The following WDR27 variants were observed in gnomAD, a reference collection of about 807,000 sequenced individuals.
WDR27 encodes the protein WD repeat-containing protein 27.
Under a neutral mutation model 114.4 loss-of-function variants are expected in WDR27, and 100 were observed. The observed-to-expected ratio is 0.87, with a 90% CI of 0.74 to 1.03. The LOEUF is 1.03. Among genes scored for constraint, WDR27 ranks in the 50% least tolerant of loss-of-function variants. The probability of loss-of-function intolerance (pLI) is 0.00; values close to 1 mark genes in which losing one functional copy is unlikely to be tolerated. For missense variants in WDR27, 1,129 were observed against 1,092.9 expected (o/e 1.03, Z -0.47); for synonymous variants, 449 against 423.1 (o/e 1.06, Z -0.75).
intron 4 of WDR27, 65 bp downstream of exon 4, chr6:169,670,504 C>T: frequency 6.2e-7 from 1 of 1,604,360 alleles, no homozygotes; most frequent in Non-Finnish European, 8.5e-7. Context: ...TGGGCAAGGT[C>T]CCAGAACCTG....
chr6:169,665,483 C>A lies in WDR27; in HGVS notation c.783+3G>T. On this transcript the variant is annotated splice_donor_region_variant and intron_variant, in intron 7 of 25. Transcript: ENST00000448612. ...CTGGAACTTAACTCTGTGGCTGTCT[C>A]ACCTGGCCGTCAGCACACCCGGTGA... 6.2e-7 allele frequency: 1 copy of A among 1,613,052 alleles called. No individual in the cohort carries two copies. The highest frequency in any genetic ancestry group is 8.5e-7 in the Non-Finnish European group (1 of 1,179,388).
At position 169,582,838 on chromosome 6, in the gene WDR27, G is replaced by T. The variant is rs780259952; in HGVS notation, c.2521C>A (p.Gln841Lys). 27 of 1,613,362 alleles carry T rather than the reference G, an allele frequency of 1.7e-5. No homozygotes were observed. The highest frequency in any genetic ancestry group is 2.2e-5 in the Non-Finnish European group (26 of 1,179,638). ...TGVAFNPSAPQMESRSVAHAG... is the reference protein window; with the variant it reads ...TGVAFNPSAPKMESRSVAHAG... Reference sequence around the variant, plus strand: ...CCACCCACTCAGCAAGACTGTACCTGGGGCGCTGATGGGTTGAAGGCCACT... The same window carrying T: ...CCACCCACTCAGCAAGACTGTACCTTGGGCGCTGATGGGTTGAAGGCCACT... Residue 841 changes from glutamine to lysine, a missense_variant and splice_region_variant, in exon 24 of 26, where the codon CAG becomes AAG. Physicochemically the swap from Gln to Lys is moderately conservative, Grantham distance 53. Coordinates refer to ENST00000448612, the MANE Select transcript of WDR27 (RefSeq NM_182552.5).
At chr6:169,663,068 C>T (rs4716338) in intron 8 of WDR27, among the ~76,000 whole-genome samples, 10,305 of 151,050 alleles carry the variant, frequency 0.068, 625 homozygotes, top group East Asian at 0.19. Flanking sequence ...CATGGAGTCA[C>T]TCAGATCACG....
intron 23 of WDR27, among the ~76,000 whole-genome samples, chr6:169,585,007 A>T (rs1286952829): frequency 6.6e-6 from 1 of 152,252 alleles, no homozygotes; most frequent in African/African-American, 2.4e-5. Context: ...ATAAATCTAA[A>T]TGTATATGGA....
rs1308046004 is a variant in WDR27 at position 169,566,785 on chromosome 6, T to A, written c.2645+5634A>T. Among the ~76,000 whole-genome samples the A allele has an allele frequency of 9.2e-5, 14 of 152,216 alleles. No individual in the cohort carries two copies. The East Asian group carries it at 2.5e-3, about 27-fold the overall frequency. ...TCCAGTGTGGGGGATTCGGACAGTA[T>A]CAGGACTGAATTTGGTAACAAAATC... is the stretch of plus-strand genomic sequence containing the variant. On this transcript the variant is annotated intron_variant, in intron 25 of 25. Coordinates refer to ENST00000448612, the MANE Select transcript of WDR27 (RefSeq NM_182552.5).
chr6:169,610,159 T>A (rs952231877), intron 22 of WDR27, among the ~76,000 whole-genome samples: 3 of 152,192 alleles, frequency 2.0e-5, no homozygotes, highest in Non-Finnish European at 2.9e-5. Flanking sequence ...TTCCCACATT[T>A]TCCTATCCTC....
intron 25 of WDR27, among the ~76,000 whole-genome samples, chr6:169,469,852 G>A (rs559894298): frequency 6.6e-6 from 1 of 152,306 alleles, no homozygotes; most frequent in South Asian, 2.1e-4. Context: ...AGCTGATTAA[G>A]TCCATGAGTT....
At chr6:169,696,496 G>C (rs1271068566) in intron 1 of WDR27, among the ~76,000 whole-genome samples, 2 of 152,182 alleles carry the variant, frequency 1.3e-5, no homozygotes, top group Non-Finnish European at 2.9e-5. Flanking sequence ...ATAAAAAGCT[G>C]TCCGATCAAA....
At chr6:169,621,518 A>G (rs1202303919) in intron 21 of WDR27, among the ~76,000 whole-genome samples, 1 of 150,348 alleles carries the variant, frequency 6.7e-6, no homozygotes, top group African/African-American at 2.5e-5. Context: ...GCATTCACAC[A>G]TATACATACA....
At chr6:169,667,455 A>T (rs1481359936) in intron 5 of WDR27, 1 of 922,964 alleles carries the variant, frequency 1.1e-6, no homozygotes, top group Non-Finnish European at 1.3e-6. Flanking sequence ...GGTGAAAAAC[A>T]GTTCCCAGGC....
At chr6:169,621,709 T>C (rs1813369822) in intron 21 of WDR27, among the ~76,000 whole-genome samples, 1 of 148,718 alleles carries the variant, frequency 6.7e-6, no homozygotes, top group Non-Finnish European at 1.5e-5. Context: ...CACACATGCA[T>C]TCACGCATAT....
chr6:169,612,870 T>C (rs1810913865), intron 22 of WDR27, among the ~76,000 whole-genome samples: 1 of 152,170 alleles, frequency 6.6e-6, no homozygotes. Flanking sequence ...TGCAACATGA[T>C]TGCTCATACA....
At chr6:169,591,857 C>A (rs1276492162) in intron 23 of WDR27, among the ~76,000 whole-genome samples, 3 of 151,588 alleles carry the variant, frequency 2.0e-5, no homozygotes, top group Non-Finnish European at 4.4e-5. Context: ...CCTTTGATTT[C>A]TTTTCTCTTT....
intron 25 of WDR27, among the ~76,000 whole-genome samples, chr6:169,518,892 T>C (rs1794010328): frequency 6.6e-6 from 1 of 152,242 alleles, no homozygotes; most frequent in Admixed American, 6.5e-5. Flanking sequence ...CCAAAGCCTG[T>C]TAGAAGCAGC....
intron 25 of WDR27, among the ~76,000 whole-genome samples, chr6:169,531,452 G>T (rs1435744958): frequency 6.6e-6 from 1 of 152,166 alleles, no homozygotes; most frequent in Non-Finnish European, 1.5e-5. Context: ...AGACAATTCA[G>T]TAGTAACTTG....
chr6:169,435,095 T>G, the WDR27 span, among the ~76,000 whole-genome samples: 1 of 152,324 alleles, frequency 6.6e-6, no homozygotes, highest in Middle Eastern at 3.4e-3. Flanking sequence ...AGGCCATGAC[T>G]TCAGAGGGTG....
chr6:169,514,568 A>G (rs1319837221), intron 25 of WDR27, among the ~76,000 whole-genome samples: 2 of 147,792 alleles, frequency 1.4e-5, no homozygotes, highest in Non-Finnish European at 3.0e-5. Context: ...TAAAATATAG[A>G]TATTAAAATA....
Position 169,600,759 on chromosome 6 carries a change from A to G in WDR27, c.2424+1460T>C, listed in dbSNP as rs375431278. Among the ~76,000 whole-genome samples the G allele has an allele frequency of 5.4e-4, 82 of 152,346 alleles. 1 individual carries two copies. The South Asian group carries it at 0.016, about 30-fold the overall frequency. ...TGAAATGCAGTGAAAAGAGAAGTTT[A>G]GAGAAAAAAGAATAAAAAGAAACAA... On this transcript the variant is annotated intron_variant, in intron 23 of 25. Transcript: ENST00000448612.
chr6:169,605,834 G>A (rs952696535), intron 22 of WDR27, among the ~76,000 whole-genome samples: 2 of 151,954 alleles, frequency 1.3e-5, no homozygotes, highest in African/African-American at 4.8e-5. Context: ...ATCTTTGAAA[G>A]CTGACAAAAT....
Sources: allele counts gnomAD v4.1 joint callset (sites outside exome capture counted in the v4.1 genomes callset), GRCh38; gene constraint gnomAD v4.1.1; transcripts MANE v1.5; gene names NCBI Gene and HGNC (gene_info 2026-07-23, HGNC 2026-07-21).